The following PCDHGB7 variants were observed in gnomAD, a reference collection of about 807,000 sequenced individuals.
The protein encoded by PCDHGB7 is protocadherin gamma-B7.
PCDHGB7 carries 37 observed loss-of-function variants against 61.4 expected under a neutral mutation model. That is an observed-to-expected ratio of 0.60 (90% CI 0.46 to 0.79). The LOEUF (loss-of-function observed/expected upper bound fraction) is 0.79. Among genes scored for constraint, PCDHGB7 ranks in the 30% least tolerant of loss-of-function variants. PCDHGB7 has a pLI of 0.00. For synonymous variants in PCDHGB7, 464 were observed against 503.5 expected, an observed-to-expected ratio of 0.92 and a Z score of 1.05; for missense variants, 1,166 against 1,202.5, an observed-to-expected ratio of 0.97 and a Z score of 0.45.
chr5:141,494,855 G>C lies in PCDHGB7; in HGVS notation c.2464G>C (p.Gly822Arg), dbSNP rs200418116. The C allele has an allele frequency of 6.2e-7, 1 of 1,614,092 alleles. No homozygotes were observed. Among genetic ancestry groups the C allele is most frequent in the South Asian group, 1.1e-5 (1 of 91,072 alleles). ...DWRFSQAQRP[G>R]TSGSQNGDDT... is the part of the protein sequence containing the mutation. ...GCGTTTCTCTCAGGCCCAGAGACCC[G>C]GCACCAGCGGGTAGGTGACTGATTC... The change falls in exon 2 of 4, where the codon GGC (glycine) becomes CGC (arginine). Residue 822 changes from glycine (G) to arginine (R), a missense_variant. Transcript: ENST00000398594.
chr5:141,420,804 G>C (rs1283868316), intron 1 of PCDHGB7, among the ~76,000 whole-genome samples: 1 of 152,188 alleles, frequency 6.6e-6, no homozygotes, highest in Non-Finnish European at 1.5e-5. Context: ...TAAAAATTAA[G>C]CAAGCCCTTT....
chr5:141,494,173 G>C (rs554811420), intron 1 of PCDHGB7, among the ~76,000 whole-genome samples: 2 of 152,304 alleles, frequency 1.3e-5, no homozygotes, highest in South Asian at 2.1e-4. Flanking sequence ...CTAGGGGTGA[G>C]AAGTGTCCCG....
chr5:141,508,829 C>G (rs370074494), intron 3 of PCDHGB7, among the ~76,000 whole-genome samples: 10 of 152,240 alleles, frequency 6.6e-5, no homozygotes, highest in Middle Eastern at 3.4e-3. Context: ...TCTGGGCCCC[C>G]CTCCCCTACC....
chr5:141,490,882 A>G lies in PCDHGB7; in HGVS notation c.2416-3925A>G, dbSNP rs758716907. ...CGGCTCTCCCCCATTGCATGCCAAC[A>G]CATCTCTGCATGTGTTTGTCCTAGA... On this transcript the variant is annotated intron_variant, in intron 1 of 3. Coordinates refer to ENST00000398594, the MANE Select transcript of PCDHGB7 (RefSeq NM_018927.4). This position sits in a 1 kb window ranked among gnomAD's most constrained non-coding sequence, Gnocchi z 5.4. 6.2e-7 allele frequency: 1 copy of G among 1,613,848 alleles called. No individual in the cohort carries two copies. Among genetic ancestry groups the G allele is most frequent in the Non-Finnish European group, 8.5e-7 (1 of 1,179,920 alleles).
At chr5:141,430,586 C>G in intron 1 of PCDHGB7, 1 of 517,248 alleles carries the variant, frequency 1.9e-6, no homozygotes, top group Non-Finnish European at 3.1e-6. Context: ...TCCTGCTCGC[C>G]TTGCACGCGC....
In PCDHGB7 at chr5:141,485,609, G is replaced by A. The variant is rs1432367043; in HGVS notation, c.2416-9198G>A. The A allele has an allele frequency of 6.2e-7, 1 of 1,612,252 alleles. No homozygotes were observed. Among genetic ancestry groups the A allele is most frequent in the Non-Finnish European group, 8.5e-7 (1 of 1,178,656 alleles). On this transcript the variant is annotated intron_variant, in intron 1 of 3. Transcript: ENST00000398594. This position sits in a 1 kb window ranked among gnomAD's most constrained non-coding sequence, Gnocchi z 5.7. ...GCTGGACTTGGAAATTGGGGAGGCA[G>A]CTCCTCCAGGACAGCGTTTCCCGTT...
chr5:141,475,577 T>C (rs2099365697), intron 1 of PCDHGB7, among the ~76,000 whole-genome samples: 1 of 152,228 alleles, frequency 6.6e-6, no homozygotes, highest in Non-Finnish European at 1.5e-5. Context: ...ACAAGCCAGA[T>C]TTGTTGGTGT....
rs2096260633 is a variant in PCDHGB7 at position 141,418,459 on chromosome 5, G to C, written c.600G>C (p.Leu200=). 2.5e-6 allele frequency: 4 copies of C among 1,613,992 alleles called. No homozygotes were observed. In the East Asian group the frequency reaches 6.7e-5, roughly 27 times the overall value. ...KYPELVLQKT[L]DRETQSAHHL... ...CAGAATTAGTATTGCAGAAGACTCT[G>C]GACCGAGAAACGCAGAGCGCTCACC... Residue 200 remains leucine (L), a synonymous_variant, in exon 1 of 4, where the codon CTG becomes CTC. Transcript: ENST00000398594.
At chr5:141,423,277 A>G (rs749771302) in intron 1 of PCDHGB7, 4 of 1,613,988 alleles carry the variant, frequency 2.5e-6, no homozygotes, top group Non-Finnish European at 8.5e-7. Flanking sequence ...GTCTCTGGCT[A>G]ACTCTGAAAC....
chr5:141,491,857 G>A lies in PCDHGB7; in HGVS notation c.2416-2950G>A. Reference sequence around the variant, plus strand: ...CTCGGGATCATTGGACCGTTTGCGCGAAACCAGAGTGGCCGATTAAGGGAT... The same window carrying A: ...CTCGGGATCATTGGACCGTTTGCGCAAAACCAGAGTGGCCGATTAAGGGAT... On this transcript the variant is annotated intron_variant, in intron 1 of 3. Transcript: ENST00000398594. This position sits in a 1 kb window ranked among gnomAD's most constrained non-coding sequence, Gnocchi z 6.9. The A allele has an allele frequency of 6.9e-7, 1 of 1,457,470 alleles. No homozygotes were observed. The highest frequency in any genetic ancestry group is 1.5e-5 in the South Asian group (1 of 68,508). The allele number at this position is 1,457,470 out of a possible 1,614,324, so 90.3% of individuals were successfully genotyped here. A position where few individuals can be genotyped will look rare whatever the true frequency, so the allele number is the denominator to read the frequency against.
Position 141,485,943 on chromosome 5 carries a change from C to A in PCDHGB7, c.2416-8864C>A, listed in dbSNP as rs750871245. The A allele has an allele frequency of 1.9e-6, 3 of 1,614,126 alleles. No individual in the cohort carries two copies. Among genetic ancestry groups the A allele is most frequent in the Non-Finnish European group, 1.7e-6 (2 of 1,180,012 alleles). ...ATTAGTGTGTTGGAGAGCGCACCAG[C>A]GGGCATGGTGCTCATCCAGCTCAAT... is the stretch of plus-strand genomic sequence containing the variant. On this transcript the variant is annotated intron_variant, in intron 1 of 3. Coordinates refer to ENST00000398594, the MANE Select transcript of PCDHGB7 (RefSeq NM_018927.4). The surrounding 1 kb of genome is among the most constrained non-coding windows in gnomAD (Gnocchi z 5.7).
At position 141,486,455 on chromosome 5, in the gene PCDHGB7, T is replaced by G; in HGVS notation, c.2416-8352T>G. On this transcript the variant is annotated intron_variant, in intron 1 of 3. Transcript: ENST00000398594. This position sits in a 1 kb window ranked among gnomAD's most constrained non-coding sequence, Gnocchi z 5.0. Reference sequence around the variant, plus strand: ...TAGCTATGACATCATGGTCACTGCTTCTGATGCTGGGAACCCTCCTCTCAG... The same window carrying G: ...TAGCTATGACATCATGGTCACTGCTGCTGATGCTGGGAACCCTCCTCTCAG... 6.2e-7 allele frequency: 1 copy of G among 1,614,066 alleles called. No homozygotes were observed. Among genetic ancestry groups the G allele is most frequent in the Non-Finnish European group, 8.5e-7 (1 of 1,179,892 alleles).
At chr5:141,478,236 TCA>T in intron 1 of PCDHGB7, 3 of 1,614,156 alleles carry the variant, frequency 1.9e-6, no homozygotes, top group Non-Finnish European at 2.5e-6. Flanking sequence ...GGGTTTGTGG[TCA>T]CAGTGTTCGG....
chr5:141,450,893 C>T (rs1306212499), intron 1 of PCDHGB7, among the ~76,000 whole-genome samples: 3 of 149,144 alleles, frequency 2.0e-5, no homozygotes, highest in East Asian at 2.0e-4. Flanking sequence ...GGTGCGATAT[C>T]GGCTCACTGC....
chr5:141,432,992 G>A lies in PCDHGB7; in HGVS notation c.2415+12718G>A, dbSNP rs777975384. On this transcript the variant is annotated intron_variant, in intron 1 of 3. Coordinates refer to ENST00000398594, the MANE Select transcript of PCDHGB7 (RefSeq NM_018927.4). The surrounding 1 kb of genome is among the most constrained non-coding windows in gnomAD (Gnocchi z 6.0). The stretch of plus-strand genomic sequence containing the variant: ...GGCGTCGCACTTTGTGGGCGTGGAC[G>A]GGGTGCAGGCTTTCCTGCAGACCTA... 1.9e-6 allele frequency: 3 copies of A among 1,614,174 alleles called. No homozygotes were observed. In the Admixed American group the frequency reaches 5.0e-5, roughly 27 times the overall value.
rs765353257 is a variant in PCDHGB7 at position 141,431,824 on chromosome 5, G to A, written c.2415+11550G>A. On this transcript the variant is annotated intron_variant, in intron 1 of 3. Coordinates refer to ENST00000398594, the MANE Select transcript of PCDHGB7 (RefSeq NM_018927.4). The surrounding 1 kb of genome is among the most constrained non-coding windows in gnomAD (Gnocchi z 4.8). ...TGGTCCTCACCTCTCTCGCCAGCTC[G>A]GTTCCCGAAAACTCTCCCAGAGGGA... is the stretch of plus-strand genomic sequence containing the variant. The A allele has an allele frequency of 1.3e-5, 21 of 1,614,092 alleles. No homozygotes were observed. In the South Asian group the frequency reaches 2.1e-4, roughly 16 times the overall value.
chr5:141,484,962 G>A (rs2099604361), intron 1 of PCDHGB7: 1 of 577,858 alleles, frequency 1.7e-6, no homozygotes, highest in Non-Finnish European at 3.1e-6. Flanking sequence ...GGCTGAGCCC[G>A]GGAGCCGCTG....
intron 1 of PCDHGB7, among the ~76,000 whole-genome samples, chr5:141,457,543 A>G (rs555448211): frequency 2.6e-5 from 4 of 152,346 alleles, no homozygotes; most frequent in African/African-American, 9.6e-5. Flanking sequence ...TTAATGACAA[A>G]TGTATGATAA....
At position 141,477,742 on chromosome 5, in the gene PCDHGB7, G is replaced by C; in HGVS notation, c.2416-17065G>C. 2 of 1,613,800 alleles carry C rather than the reference G, an allele frequency of 1.2e-6. No individual in the cohort carries two copies. Among genetic ancestry groups the C allele is most frequent in the Non-Finnish European group, 1.7e-6 (2 of 1,180,030 alleles). ...AATTAACAGCTCATATCAGCGATGG[G>C]GGCACCCCGGTCCTAGCCACCAACA... On this transcript the variant is annotated intron_variant, in intron 1 of 3. Coordinates refer to ENST00000398594, the MANE Select transcript of PCDHGB7 (RefSeq NM_018927.4). The surrounding 1 kb of genome is among the most constrained non-coding windows in gnomAD (Gnocchi z 4.9).
Sources: gnomAD v4.1 joint callset for allele counts (sites outside exome capture counted in the v4.1 genomes callset) on GRCh38, gnomAD v4.1.1 for gene constraint, Gnocchi (gnomAD v3.1) non-coding constraint, MANE v1.5 for transcripts, NCBI Gene and HGNC (gene_info 2026-07-23, HGNC 2026-07-21) for gene names.